Variants in EBF2 observed in about 807,000 individuals in gnomAD.
EBF2 encodes EBF transcription factor 2.
EBF2 carries 21 observed loss-of-function variants against 72.8 expected under a neutral mutation model. That is an observed-to-expected ratio of 0.29 (90% CI 0.20 to 0.42). The LOEUF (loss-of-function observed/expected upper bound fraction) is 0.42, where lower values mean the gene tolerates loss of function less well. Among genes scored for constraint, EBF2 ranks in the 10% least tolerant of loss-of-function variants. EBF2 has a pLI of 1.00. For synonymous variants in EBF2, 299 were observed against 274.2 expected (o/e 1.09, Z -0.89); for missense variants, 637 against 731.2 (o/e 0.87, Z 1.49).
At chr8:25,959,460 C>T (rs772125888) in intron 6 of EBF2, among the ~76,000 whole-genome samples, 1 of 152,260 alleles carries the variant, frequency 6.6e-6, no homozygotes, top group Non-Finnish European at 1.5e-5. Context: ...CTGCCTCAGC[C>T]TCCCAAAGTG....
At chr8:25,974,860 T>A (rs188554729) in intron 6 of EBF2, among the ~76,000 whole-genome samples, 1 of 152,188 alleles carries the variant, frequency 6.6e-6, no homozygotes, top group Non-Finnish European at 1.5e-5. Context: ...CTCAGCACTT[T>A]GAGGGCCATC....
chr8:25,850,261 C>G (rs879939447), intron 15 of EBF2, among the ~76,000 whole-genome samples: 1 of 152,086 alleles, frequency 6.6e-6, no homozygotes, highest in African/African-American at 2.4e-5. Context: ...TACAGGCACC[C>G]ACAAACACAC....
In EBF2 at chr8:25,885,933, C is replaced by T. The variant is rs557647993; in HGVS notation, c.1009+822G>A. The stretch of plus-strand genomic sequence containing the variant: ...TTAAATACAAAATGCATTGCCACAG[C>T]TGTCAGACAAGCTTTTGGTCCTGCA... On this transcript the variant is annotated intron_variant, in intron 10 of 15. Transcript: ENST00000520164. Among the ~76,000 whole-genome samples the T allele has an allele frequency of 4.4e-4, 67 of 152,312 alleles. 1 individual carries two copies. Among genetic ancestry groups the T allele is most frequent in the African/African-American group, 1.5e-3 (62 of 41,578 alleles).
chr8:25,971,702 G>A (rs2117189353), intron 6 of EBF2, among the ~76,000 whole-genome samples: 1 of 152,298 alleles, frequency 6.6e-6, no homozygotes, highest in Non-Finnish European at 1.5e-5. Flanking sequence ...CTTGTTACTG[G>A]CTAAGTATAA....
intron 13 of EBF2, among the ~76,000 whole-genome samples, chr8:25,860,424 A>G (rs1027482737): frequency 6.6e-6 from 1 of 152,168 alleles, no homozygotes; most frequent in Non-Finnish European, 1.5e-5. Flanking sequence ...ATTTCTTTTA[A>G]ATTAATACCT....
chr8:25,885,162 C>A (rs2117287891), intron 10 of EBF2, among the ~76,000 whole-genome samples: 1 of 152,034 alleles, frequency 6.6e-6, no homozygotes, highest in Non-Finnish European at 1.5e-5. Flanking sequence ...ACCCTCAATG[C>A]CTTCTTATTT....
intron 6 of EBF2, among the ~76,000 whole-genome samples, chr8:25,942,782 C>G (rs935979704): frequency 6.6e-6 from 1 of 152,172 alleles, no homozygotes; most frequent in Non-Finnish European, 1.5e-5. Flanking sequence ...TTCCTGCGGG[C>G]TCGCCTACCT....
chr8:25,868,343 G>A (rs1284047229), intron 10 of EBF2, among the ~76,000 whole-genome samples: 1 of 152,148 alleles, frequency 6.6e-6, no homozygotes, highest in Non-Finnish European at 1.5e-5. Flanking sequence ...ATGCTTTAAT[G>A]TCTTATTTCA....
intron 7 of EBF2, among the ~76,000 whole-genome samples, chr8:25,892,322 T>A (rs1802797276): frequency 6.6e-6 from 1 of 152,172 alleles, no homozygotes; most frequent in South Asian, 2.1e-4. Context: ...AAGTGAAGCC[T>A]CCAAAGTGGA....
intron 6 of EBF2, among the ~76,000 whole-genome samples, chr8:25,948,150 C>T (rs1803802949): frequency 6.6e-6 from 1 of 152,150 alleles, no homozygotes; most frequent in Non-Finnish European, 1.5e-5. Flanking sequence ...TCATCAGGGG[C>T]TAATCCCTAA....
intron 2 of EBF2, chr8:26,041,347 C>T: frequency 3.3e-6 from 1 of 305,204 alleles, no homozygotes; most frequent in East Asian, 6.7e-5. Context: ...CCTTAGGAAG[C>T]CCCAAGGCTT....
intron 6 of EBF2, among the ~76,000 whole-genome samples, chr8:25,917,869 A>C (rs1375212450): frequency 1.3e-5 from 2 of 152,116 alleles, no homozygotes; most frequent in East Asian, 3.9e-4. Flanking sequence ...CGCTGGTTTT[A>C]CTGTTTTGCC....
rs556173004 is a variant in EBF2 at position 25,922,266 on chromosome 8, A to C, written c.552-13711T>G. On this transcript the variant is annotated intron_variant, in intron 6 of 15. Transcript: ENST00000520164. ...GTTTTTGCTTAAAAAAAAAAAACAAACAAAAAAAACACCTGGTTTTATGTT... is the reference window on the plus strand; with the variant it reads ...GTTTTTGCTTAAAAAAAAAAAACAACCAAAAAAAACACCTGGTTTTATGTT... Among the ~76,000 whole-genome samples, 1,035 of 152,012 alleles carry C rather than the reference A, an allele frequency of 6.8e-3. 9 individuals carry two copies. The highest frequency in any genetic ancestry group is 0.023 in the African/African-American group (958 of 41,452).
intron 6 of EBF2, among the ~76,000 whole-genome samples, chr8:25,924,603 A>G (rs939688928): frequency 4.6e-5 from 7 of 152,224 alleles, no homozygotes; most frequent in Non-Finnish European, 1.0e-4. Flanking sequence ...GGTGTCTGAA[A>G]CATCTTTGGA....
At chr8:25,866,628 TATATATA>T (rs1802331379) in intron 10 of EBF2, among the ~76,000 whole-genome samples, 2 of 103,796 alleles carry the variant, frequency 1.9e-5, no homozygotes, top group African/African-American at 4.7e-5. Flanking sequence ...ATTATATATA[TATATATA>T]TTTTTTTTTT....
intron 10 of EBF2, among the ~76,000 whole-genome samples, chr8:25,867,133 G>A (rs546468707): frequency 8.5e-5 from 13 of 152,116 alleles, no homozygotes; most frequent in Non-Finnish European, 1.3e-4. Context: ...TGGTGAGCAC[G>A]CAGGTATCAG....
At chr8:25,945,539 G>A (rs774668436) in intron 6 of EBF2, among the ~76,000 whole-genome samples, 7 of 151,774 alleles carry the variant, frequency 4.6e-5, no homozygotes, top group Admixed American at 3.9e-4. Context: ...CCCAAGTACC[G>A]ATACATGGGA....
intron 6 of EBF2, among the ~76,000 whole-genome samples, chr8:26,028,180 A>G (rs2117252126): frequency 6.6e-6 from 1 of 152,338 alleles, no homozygotes; most frequent in South Asian, 2.1e-4. Context: ...AGAACCCTTC[A>G]TGGGCAAATA....
At chr8:25,970,777 G>C (rs998273034) in intron 6 of EBF2, among the ~76,000 whole-genome samples, 1 of 152,122 alleles carries the variant, frequency 6.6e-6, no homozygotes, top group Non-Finnish European at 1.5e-5. Flanking sequence ...GTCACTCACT[G>C]CTGCTGTTCT....
Sources: gnomAD v4.1 joint callset for allele counts (sites outside exome capture counted in the v4.1 genomes callset) on GRCh38, gnomAD v4.1.1 for gene constraint, MANE v1.5 for transcripts, NCBI Gene and HGNC (gene_info 2026-07-23, HGNC 2026-07-21) for gene names.